PDE2A: variants seen among roughly 807,000 people sequenced by gnomAD.
PDE2A encodes the protein phosphodiesterase 2A.
In PDE2A, 53 loss-of-function variants were observed where a neutral mutation model predicts 133.6. That is an observed-to-expected ratio of 0.40 (90% CI 0.32 to 0.50). The LOEUF is 0.50. Among genes scored for constraint, PDE2A ranks in the 20% least tolerant of loss-of-function variants. The pLI is 0.73. For synonymous variants in PDE2A, 491 were observed against 490.2 expected (o/e 1.00, Z -0.02); for missense variants, 796 against 1,232.4 (o/e 0.65, Z 5.30).
intron 1 of PDE2A, chr11:72,643,082 C>G (rs921976292): frequency 5.2e-5 from 8 of 153,016 alleles, no homozygotes; most frequent in African/African-American, 1.9e-4. Flanking sequence ...GGAGAGGGTG[C>G]AGGCCCCAGG....
Position 72,577,437 on chromosome 11 carries a change from G to C in PDE2A, c.2773C>G (p.Leu925Val). ...FLDEEYEVPD[L>V]DGTRAPINGC... is the part of the protein sequence containing the mutation. ...TTGATGGGGGCCCTAGTGCCATCCA[G>C]ATCAGGCACCTCGTACTCCTCATCC... Residue 925 changes from leucine to valine, a missense_variant, in exon 31 of 31, where the codon CTG becomes GTG. Around this residue, in one of 7 missense-constraint regions of PDE2A, gnomAD observed 83 missense variants for 99.0 expected, o/e 0.84. Coordinates refer to ENST00000334456, the MANE Select transcript of PDE2A (RefSeq NM_002599.5). 6.2e-7 allele frequency: 1 copy of C among 1,614,028 alleles called. No individual in the cohort carries two copies. The highest frequency in any genetic ancestry group is 1.1e-5 in the South Asian group (1 of 91,084).
chr11:72,650,849 TCCCTGAC>T (rs57390404), intron 1 of PDE2A, among the ~76,000 whole-genome samples: 115,999 of 148,258 alleles, frequency 0.78, 45,906 homozygotes, highest in Middle Eastern at 0.85. Context: ...TTAGAGTCAG[TCCCTGAC>T]CCCTGACCCC....
At chr11:72,596,137 T>C (rs904933012) in intron 6 of PDE2A, among the ~76,000 whole-genome samples, 3 of 152,200 alleles carry the variant, frequency 2.0e-5, no homozygotes, top group Non-Finnish European at 4.4e-5. Flanking sequence ...CAGGCCCTTA[T>C]GTCCATCTGT....
At position 72,578,447 on chromosome 11, in the gene PDE2A, T is replaced by C; in HGVS notation, c.2508+29A>G. On this transcript the variant is annotated intron_variant, in intron 29 of 30. Transcript: ENST00000334456. The surrounding 1 kb of genome is among the most constrained non-coding windows in gnomAD (Gnocchi z 4.2). ...CCAGGCCAGGAACCCTCCCCCATCCTGGACATCCTGGGGTCACTCCACACA... is the reference window on the plus strand; with the variant it reads ...CCAGGCCAGGAACCCTCCCCCATCCCGGACATCCTGGGGTCACTCCACACA... 1 of 1,608,136 alleles carries C rather than the reference T, an allele frequency of 6.2e-7. No individual in the cohort carries two copies. The highest frequency in any genetic ancestry group is 8.5e-7 in the Non-Finnish European group (1 of 1,174,528).
chr11:72,636,056 C>A (rs1158077834), intron 2 of PDE2A: 8 of 1,274,288 alleles, frequency 6.3e-6, no homozygotes, highest in Non-Finnish European at 8.2e-6. Flanking sequence ...GGATGGGAGG[C>A]ATGCAAGGCC....
Position 72,577,403 on chromosome 11 carries a change from C to G in PDE2A, c.2807G>C (p.Cys936Ser). The change falls in exon 31 of 31, where the codon TGC becomes TCC. Residue 936 changes from cysteine to serine, a missense_variant. This residue lies in a region of PDE2A where 83 missense variants were observed against 99.0 expected (regional missense o/e 0.84). Coordinates refer to ENST00000334456, the MANE Select transcript of PDE2A (RefSeq NM_002599.5). ...DGTRAPINGC[C>S]SLDAE ...AGGGGATCACTCAGCATCAAGGCTGCAGCAGCCATTGATGGGGGCCCTAGT... is the reference window on the plus strand; with the variant it reads ...AGGGGATCACTCAGCATCAAGGCTGGAGCAGCCATTGATGGGGGCCCTAGT... The G allele has an allele frequency of 6.2e-7, 1 of 1,613,372 alleles. No homozygotes were observed. The highest frequency in any genetic ancestry group is 1.3e-5 in the African/African-American group (1 of 75,030).
intron 1 of PDE2A, among the ~76,000 whole-genome samples, chr11:72,667,523 G>A (rs1378407600): frequency 6.6e-6 from 1 of 152,142 alleles, no homozygotes. Context: ...AGAACAATGG[G>A]CTATCCTTCT....
At chr11:72,665,540 T>C (rs1328290832) in intron 1 of PDE2A, among the ~76,000 whole-genome samples, 2 of 152,186 alleles carry the variant, frequency 1.3e-5, no homozygotes, top group African/African-American at 4.8e-5. Flanking sequence ...AGGAGCACTC[T>C]GTGGACTCAA....
chr11:72,585,045 G>T, intron 16 of PDE2A, 101 bp from the exon 17 acceptor site: 1 of 1,153,638 alleles, frequency 8.7e-7, no homozygotes, highest in South Asian at 1.3e-5. Context: ...GGCCTGGGAG[G>T]AGTGCTCCAA....
chr11:72,641,716 G>A (rs115030912), intron 2 of PDE2A, among the ~76,000 whole-genome samples: 112 of 152,330 alleles, frequency 7.4e-4, no homozygotes, highest in African/African-American at 2.7e-3. Context: ...CTGATGGAAG[G>A]AGAGATTTGG....
intron 2 of PDE2A, among the ~76,000 whole-genome samples, chr11:72,639,321 G>GT (rs1254186695): frequency 3.9e-5 from 6 of 152,178 alleles, no homozygotes; most frequent in Admixed American, 6.5e-5. Flanking sequence ...GGTCTTCCTG[G>GT]TTGTCTCCAG....
rs943734809 is a variant in PDE2A at position 72,631,005 on chromosome 11, C to A, written c.144+11249G>T. The A allele has an allele frequency of 5.6e-6, 7 of 1,256,968 alleles. No individual in the cohort carries two copies. The Admixed American group carries it at 8.0e-5, about 14-fold the overall frequency. The allele number at this position is 1,256,968 out of a possible 1,614,324, so 77.9% of individuals were successfully genotyped here. A position where few individuals can be genotyped will look rare whatever the true frequency, so the allele number is the denominator to read the frequency against. ...CCCCGTCCTCCCAAGGGGGAGGGCACCACTCAGACTGATCTTCAGTCTGCG... is the reference window on the plus strand; with the variant it reads ...CCCCGTCCTCCCAAGGGGGAGGGCAACACTCAGACTGATCTTCAGTCTGCG... On this transcript the variant is annotated intron_variant, in intron 2 of 30. Transcript: ENST00000334456.
chr11:72,577,650 A>G, intron 30 of PDE2A, 56 bp from the exon 31 acceptor site: 1 of 1,254,982 alleles, frequency 8.0e-7, no homozygotes, highest in Non-Finnish European at 1.2e-6. Context: ...CATGGGCAGC[A>G]AGAAAGACTA....
intron 2 of PDE2A, among the ~76,000 whole-genome samples, chr11:72,618,816 C>T (rs1203703224): frequency 6.6e-6 from 1 of 152,136 alleles, no homozygotes; most frequent in African/African-American, 2.4e-5. Flanking sequence ...TACACAGGGT[C>T]CCGGTCAGTG....
chr11:72,617,867 G>A (rs1857552052), intron 2 of PDE2A, among the ~76,000 whole-genome samples: 1 of 152,218 alleles, frequency 6.6e-6, no homozygotes, highest in Non-Finnish European at 1.5e-5. Flanking sequence ...GCAGGAATGT[G>A]TGAGCACTTT....
chr11:72,579,876 A>G, intron 25 of PDE2A: 1 of 448,624 alleles, frequency 2.2e-6, no homozygotes, highest in Non-Finnish European at 4.0e-6. Context: ...GGGTCCCTGA[A>G]AGCTGGAACA....
Position 72,642,266 on chromosome 11 carries a change from G to C in PDE2A, c.132C>G (p.Ala44=). The C allele has an allele frequency of 1.3e-6, 2 of 1,540,892 alleles. No individual in the cohort carries two copies. The highest frequency in any genetic ancestry group is 1.7e-6 in the Non-Finnish European group (2 of 1,146,758). ...DEPPPPPQPC[A]DSLQDALLSL... The stretch of plus-strand genomic sequence containing the variant: ...GGGGCCCCCCTACCTGCAGGCTGTC[G>C]GCGCATGGCTGCGGCGGCGGCGGCG... The change falls in exon 2 of 31, where the codon GCC becomes GCG. Residue 44 remains alanine (A), a synonymous_variant. Transcript: ENST00000334456.
At chr11:72,598,433 G>A (rs1856584752) in intron 4 of PDE2A, 1 of 1,100,348 alleles carries the variant, frequency 9.1e-7, no homozygotes, top group South Asian at 1.3e-5. Flanking sequence ...TGGGAAGAAT[G>A]AGTTTCTCTC....
At chr11:72,581,643 T>G (rs755780526) in intron 22 of PDE2A, among the ~76,000 whole-genome samples, 164 bp from the exon 23 acceptor site, 19 of 152,198 alleles carry the variant, frequency 1.2e-4, no homozygotes, top group Non-Finnish European at 2.8e-4. Flanking sequence ...AACTTAAACC[T>G]CTGGCTACAC....
Sources: gnomAD v4.1 joint callset for allele counts (sites outside exome capture counted in the v4.1 genomes callset) on GRCh38, gnomAD v4.1.1 for gene constraint, gnomAD v4.1.1 regional missense constraint, Gnocchi (gnomAD v3.1) non-coding constraint, MANE v1.5 for transcripts, NCBI Gene and HGNC (gene_info 2026-07-23, HGNC 2026-07-21) for gene names.